The following WWC1 variants were observed in gnomAD, a reference collection of about 807,000 sequenced individuals.
The protein encoded by WWC1 is WW and C2 domain containing 1.
A neutral mutation model predicts 138.4 loss-of-function variants in WWC1; 55 were observed. The observed-to-expected ratio is 0.40, with a 90% CI of 0.32 to 0.50. The LOEUF (loss-of-function observed/expected upper bound fraction) is 0.50, where lower values mean the gene tolerates loss of function less well. Among genes scored for constraint, WWC1 ranks in the 20% least tolerant of loss-of-function variants. The pLI is 0.72. For synonymous variants in WWC1, 524 were observed against 564.9 expected, an observed-to-expected ratio of 0.93 and a Z score of 1.03; for missense variants, 1,226 against 1,420.4, an observed-to-expected ratio of 0.86 and a Z score of 2.20.
At chr5:168,447,107 T>G (rs1399725195) in intron 17 of WWC1, among the ~76,000 whole-genome samples, 3 of 152,168 alleles carry the variant, frequency 2.0e-5, no homozygotes, top group Non-Finnish European at 4.4e-5. Flanking sequence ...AACTTCCGTC[T>G]CCTCGTCTGT....
At chr5:168,351,511 A>G (rs1774954832) in intron 1 of WWC1, among the ~76,000 whole-genome samples, 1 of 152,186 alleles carries the variant, frequency 6.6e-6, no homozygotes, top group African/African-American at 2.4e-5. Flanking sequence ...GCGAGAGAAG[A>G]GCAGGATACA....
intron 1 of WWC1, among the ~76,000 whole-genome samples, chr5:168,339,991 C>T (rs59821781): frequency 0.018 from 2,346 of 130,722 alleles, 40 homozygotes; most frequent in South Asian, 0.048. Context: ...CTCTTTCTCT[C>T]TCTCTCTTTC....
intron 12 of WWC1, 95 bp from the exon 13 acceptor site, chr5:168,428,612 C>A: frequency 7.6e-7 from 1 of 1,312,426 alleles, no homozygotes; most frequent in Non-Finnish European, 1.1e-6. Flanking sequence ...GCTGAGCAAA[C>A]CCCAACTTTC....
chr5:168,364,708 C>G (rs1776155128), intron 1 of WWC1, among the ~76,000 whole-genome samples: 2 of 152,154 alleles, frequency 1.3e-5, no homozygotes, highest in South Asian at 4.1e-4. Flanking sequence ...GAGAGTGTCT[C>G]TGGGTCACCC....
intron 8 of WWC1, 96 bp from the exon 9 acceptor site, chr5:168,414,252 T>A: frequency 6.7e-7 from 1 of 1,500,772 alleles, no homozygotes; most frequent in Non-Finnish European, 8.9e-7. Context: ...ACAGTAACTG[T>A]CAAAGATTGC....
intron 5 of WWC1, among the ~76,000 whole-genome samples, chr5:168,404,147 C>T (rs1357969959): frequency 6.6e-6 from 1 of 152,148 alleles, no homozygotes; most frequent in East Asian, 1.9e-4. Context: ...GGATTCGAAG[C>T]CCTTCTTGCC....
At chr5:168,409,791 C>T in intron 7 of WWC1, 131 bp from the exon 8 acceptor site, 4 of 879,258 alleles carry the variant, frequency 4.5e-6, no homozygotes, top group Non-Finnish European at 7.5e-6. Flanking sequence ...TCTGCACCGC[C>T]AGCCCAGTCA....
chr5:168,406,859 G>A (rs959368151), intron 6 of WWC1, among the ~76,000 whole-genome samples: 5 of 152,164 alleles, frequency 3.3e-5, no homozygotes, highest in East Asian at 1.9e-4. Context: ...GGAGAATGGC[G>A]TGAACCCAGG....
At chr5:168,402,781 G>A (rs1157725287) in intron 5 of WWC1, among the ~76,000 whole-genome samples, 1 of 152,126 alleles carries the variant, frequency 6.6e-6, no homozygotes, top group East Asian at 1.9e-4. Flanking sequence ...TCCCTTCCCA[G>A]CATCATCCCT....
intron 1 of WWC1, among the ~76,000 whole-genome samples, chr5:168,295,483 C>CATGTGTGTGT (rs143036340): frequency 1.4e-5 from 2 of 142,484 alleles, no homozygotes; most frequent in Non-Finnish European, 3.0e-5. Flanking sequence ...ATTTCTACTC[C>CATGTGTGTGT]GTGTGTGTGT....
In WWC1 at chr5:168,408,669, A is replaced by G. The variant is rs1779997519; in HGVS notation, c.867+16A>G. On this transcript the variant is annotated intron_variant, in intron 7 of 22. Transcript: ENST00000265293. ...CTCGGGAAGCGTGAGTAGACGGGGCAGGTTGCTGGGGGCCTTCCACAGGAT... is the reference window on the plus strand; with the variant it reads ...CTCGGGAAGCGTGAGTAGACGGGGCGGGTTGCTGGGGGCCTTCCACAGGAT... 1 of 1,613,430 alleles carries G rather than the reference A, an allele frequency of 6.2e-7. No homozygotes were observed. Among genetic ancestry groups the G allele is most frequent in the South Asian group, 1.1e-5 (1 of 90,988 alleles).
At chr5:168,468,830 G>A (rs185247331) in intron 22 of WWC1, 121 bp from the exon 23 acceptor site, 78 of 1,024,636 alleles carry the variant, frequency 7.6e-5, no homozygotes, top group Middle Eastern at 6.9e-4. Context: ...GGCCAAGGAC[G>A]TTGCTAAACA....
rs975156625 is a variant in WWC1 at position 168,472,129 on chromosome 5, T to G, written c.*3112T>G. On this transcript the variant is annotated 3_prime_UTR_variant, in exon 23 of 23. Transcript: ENST00000265293. ...CTGAAGAAGTGCATCTCAGCATCAC[T>G]TCAGCTGTCGGGGCATTTGTGGGGA... 6.6e-6 allele frequency: 1 copy of G among 152,268 alleles called. No homozygotes were observed. The highest frequency in any genetic ancestry group is 1.5e-5 in the Non-Finnish European group (1 of 68,090). The allele number at this position is 152,268 out of a possible 1,614,324, so 9.4% of individuals were successfully genotyped here. A position where few individuals can be genotyped will look rare whatever the true frequency, so the allele number is the denominator to read the frequency against.
chr5:168,310,011 C>A (rs1770922617), intron 1 of WWC1, among the ~76,000 whole-genome samples: 2 of 152,206 alleles, frequency 1.3e-5, no homozygotes, highest in African/African-American at 2.4e-5. Context: ...CTAACACAAC[C>A]CAGCGCTGAC....
intron 1 of WWC1, among the ~76,000 whole-genome samples, chr5:168,326,066 C>T (rs1772507847): frequency 6.6e-6 from 1 of 152,074 alleles, no homozygotes; most frequent in Admixed American, 6.6e-5. Flanking sequence ...TGTCGGTGGA[C>T]ATTTGGGTTG....
At chr5:168,440,809 GC>G (rs1427776051) in intron 15 of WWC1, among the ~76,000 whole-genome samples, 1 of 152,118 alleles carries the variant, frequency 6.6e-6, no homozygotes, top group Non-Finnish European at 1.5e-5. Flanking sequence ...GAGCCACCGC[GC>G]CCGGCCTGAA....
chr5:168,452,741 A>G (rs747976850), intron 17 of WWC1, among the ~76,000 whole-genome samples: 4 of 151,188 alleles, frequency 2.6e-5, no homozygotes, highest in Non-Finnish European at 4.4e-5. Context: ...ATGTTCATCA[A>G]CTAAACTCTC....
chr5:168,430,199 T>A lies in WWC1; in HGVS notation c.2063T>A (p.Leu688Gln). The A allele has an allele frequency of 6.2e-7, 1 of 1,614,006 alleles. No homozygotes were observed. The highest frequency in any genetic ancestry group is 8.5e-7 in the Non-Finnish European group (1 of 1,179,946). The change falls in exon 14 of 23, where the codon CTG (leucine) becomes CAG (glutamine). Residue 688 changes from leucine to glutamine, a missense_variant. By Grantham distance (113) the Leu-to-Gln change is moderately radical. Coordinates refer to ENST00000265293, the MANE Select transcript of WWC1 (RefSeq NM_015238.3). ...ATCCAGCTGAGTAACCTTTCTGCTCTGTTGCAGCAACAAGACCAGAAAGTG... is the reference window on the plus strand; with the variant it reads ...ATCCAGCTGAGTAACCTTTCTGCTCAGTTGCAGCAACAAGACCAGAAAGTG... ...LIIQLSNLSA[L>Q]LQQQDQKVNI... is the part of the protein sequence containing the mutation.
Position 168,452,847 on chromosome 5 carries a change from G to A in WWC1, c.2526-1121G>A, listed in dbSNP as rs116007492. The stretch of plus-strand genomic sequence containing the variant: ...ACCCGCCTCGTTCCAACGTTTGGAA[G>A]CCCTACCCTGGGTGCATTTAAAGGC... On this transcript the variant is annotated intron_variant, in intron 17 of 22. Coordinates refer to ENST00000265293, the MANE Select transcript of WWC1 (RefSeq NM_015238.3). 4.0e-3 allele frequency among the ~76,000 whole-genome samples: 609 copies of A among 152,110 alleles called. 1 individual carries two copies. Among genetic ancestry groups the A allele is most frequent in the African/African-American group, 0.014 (586 of 41,472 alleles).
Sources: gnomAD v4.1 joint callset for allele counts (sites outside exome capture counted in the v4.1 genomes callset) on GRCh38, gnomAD v4.1.1 for gene constraint, MANE v1.5 for transcripts, NCBI Gene and HGNC (gene_info 2026-07-23, HGNC 2026-07-21) for gene names.